The following CALN1 variants were observed in gnomAD, a reference collection of about 807,000 sequenced individuals.
The protein encoded by CALN1 is calneuron 1, also known as calcium-binding protein 8.
CALN1 carries 17 observed loss-of-function variants against 30.6 expected under a neutral mutation model. The observed-to-expected ratio is 0.56, with a 90% CI of 0.38 to 0.83. The LOEUF (loss-of-function observed/expected upper bound fraction) is 0.83. Among genes scored for constraint, CALN1 ranks in the 40% least tolerant of loss-of-function variants. CALN1 has a pLI of 0.00. For missense variants in CALN1, 291 were observed against 354.9 expected, an observed-to-expected ratio of 0.82 and a Z score of 1.45; for synonymous variants, 156 against 131.4, an observed-to-expected ratio of 1.19 and a Z score of -1.28.
chr7:71,923,923 T>A (rs1321030306), intron 5 of CALN1, among the ~76,000 whole-genome samples: 3 of 152,126 alleles, frequency 2.0e-5, no homozygotes, highest in Non-Finnish European at 4.4e-5. Context: ...CTGGGCATAG[T>A]GGCTCACACT....
intron 5 of CALN1, among the ~76,000 whole-genome samples, chr7:71,898,236 A>G (rs1246153573): frequency 6.6e-6 from 1 of 152,156 alleles, no homozygotes; most frequent in Admixed American, 6.5e-5. Flanking sequence ...AGCCTGAGAC[A>G]GTAGAATCGC....
intron 3 of CALN1, among the ~76,000 whole-genome samples, chr7:72,159,466 C>T (rs939346240): frequency 6.6e-6 from 1 of 152,066 alleles, no homozygotes; most frequent in African/African-American, 2.4e-5. Context: ...CGCCACTGTA[C>T]TCCAGCCTGG....
At chr7:71,884,873 TC>T (rs1337127466) in intron 5 of CALN1, among the ~76,000 whole-genome samples, 1 of 152,206 alleles carries the variant, frequency 6.6e-6, no homozygotes, top group African/African-American at 2.4e-5. Flanking sequence ...TAGATCTTTT[TC>T]TTCCAGACCT....
rs575973335 is a variant in CALN1, at chr7:72,318,934, G to A, written c.120-40124C>T. On this transcript the variant is annotated intron_variant, in intron 2 of 6. Transcript: ENST00000395275. Reference sequence around the variant, plus strand: ...GTTTATACACTATTAGTCTGTTAGTGTGAATACAAATGAGCACAACCTCTA... The same window carrying A: ...GTTTATACACTATTAGTCTGTTAGTATGAATACAAATGAGCACAACCTCTA... Among the ~76,000 whole-genome samples the A allele has an allele frequency of 2.0e-5, 3 of 151,884 alleles. No individual in the cohort carries two copies. In the South Asian group the frequency reaches 6.3e-4, roughly 32 times the overall value.
chr7:71,858,181 T>A (rs1206953764), intron 5 of CALN1, among the ~76,000 whole-genome samples: 2 of 152,118 alleles, frequency 1.3e-5, no homozygotes, highest in Non-Finnish European at 2.9e-5. Flanking sequence ...TCTCATTAGA[T>A]GGGATGGTTT....
At chr7:72,158,367 T>A (rs1382975881) in intron 3 of CALN1, among the ~76,000 whole-genome samples, 1 of 152,134 alleles carries the variant, frequency 6.6e-6, no homozygotes, top group African/African-American at 2.4e-5. Context: ...CTGGCCGTAG[T>A]CCAGGCAGGA....
intron 3 of CALN1, among the ~76,000 whole-genome samples, chr7:72,154,280 G>A (rs1241591174): frequency 1.3e-5 from 2 of 151,040 alleles, no homozygotes; most frequent in Non-Finnish European, 2.9e-5. Flanking sequence ...CTTGTCCAGC[G>A]TCATGCAAAA....
chr7:72,388,311 C>T lies in CALN1; in HGVS notation c.119+14940G>A, dbSNP rs1257105599. ...CCTTTCATCTTCCCAAGAGGTACTTCCTACCTCCTGTCCTGCCTGGACATG... is the reference window on the plus strand; with the variant it reads ...CCTTTCATCTTCCCAAGAGGTACTTTCTACCTCCTGTCCTGCCTGGACATG... On this transcript the variant is annotated intron_variant, in intron 2 of 6. Transcript: ENST00000395275. Among the ~76,000 whole-genome samples the T allele has an allele frequency of 3.9e-5, 6 of 152,060 alleles. No homozygotes were observed. The East Asian group carries it at 9.7e-4, about 25-fold the overall frequency.
chr7:72,148,133 A>G (rs60518650), intron 3 of CALN1, among the ~76,000 whole-genome samples: 3 of 144,206 alleles, frequency 2.1e-5, no homozygotes, highest in Non-Finnish European at 4.5e-5. Flanking sequence ...AACCAACCAA[A>G]CAAACAAACA....
upstream of CALN1, among the ~76,000 whole-genome samples, chr7:72,448,942 C>T (rs536369316): frequency 8.5e-5 from 13 of 152,128 alleles, no homozygotes; most frequent in South Asian, 4.2e-4. Flanking sequence ...CTCATAAGCA[C>T]GTGAAATAAA....
intron 1 of CALN1, among the ~76,000 whole-genome samples, chr7:72,422,385 G>A: frequency 6.6e-6 from 1 of 152,190 alleles, no homozygotes; most frequent in East Asian, 1.9e-4. Context: ...GATTAGTGAT[G>A]TTGAGATTTT....
intron 4 of CALN1, among the ~76,000 whole-genome samples, chr7:72,080,822 G>A (rs1313215314): frequency 6.6e-6 from 1 of 152,092 alleles, no homozygotes; most frequent in Non-Finnish European, 1.5e-5. Context: ...CTAGCCCAGG[G>A]GAAGCTGATG....
chr7:72,477,079 C>T, the CALN1 span, among the ~76,000 whole-genome samples: 488 of 152,184 alleles, frequency 3.2e-3, 2 homozygotes, highest in African/African-American at 0.01. Flanking sequence ...GGCGTGGTGG[C>T]GCGCACTTGT....
chr7:72,055,295 T>G (rs1803182361), intron 4 of CALN1, among the ~76,000 whole-genome samples: 1 of 152,142 alleles, frequency 6.6e-6, no homozygotes, highest in Non-Finnish European at 1.5e-5. Flanking sequence ...AGTCCATCAT[T>G]TTAACCAAGC....
At chr7:72,054,536 T>TACAC (rs1164512446) in intron 4 of CALN1, among the ~76,000 whole-genome samples, 1 of 123,886 alleles carries the variant, frequency 8.1e-6, no homozygotes, top group South Asian at 2.6e-4. Flanking sequence ...TACATACATA[T>TACAC]ATATATACAT....
At chr7:72,061,521 A>G (rs1004976264) in intron 4 of CALN1, among the ~76,000 whole-genome samples, 3 of 147,624 alleles carry the variant, frequency 2.0e-5, no homozygotes, top group Admixed American at 1.4e-4. Flanking sequence ...TTTCAGAACT[A>G]AAAAAAAAAA....
At chr7:72,146,305 A>G (rs1786716893) in intron 3 of CALN1, among the ~76,000 whole-genome samples, 1 of 152,208 alleles carries the variant, frequency 6.6e-6, no homozygotes, top group Non-Finnish European at 1.5e-5. Flanking sequence ...TGCAAAAATC[A>G]CAAGCATGCT....
At chr7:72,070,237 CATT>C (rs1411370833) in intron 4 of CALN1, among the ~76,000 whole-genome samples, 1 of 152,200 alleles carries the variant, frequency 6.6e-6, no homozygotes, top group Non-Finnish European at 1.5e-5. Flanking sequence ...AATGCAGAAT[CATT>C]ATGGCATTCC....
intron 5 of CALN1, among the ~76,000 whole-genome samples, chr7:71,963,817 A>G (rs1026447018): frequency 2.6e-5 from 4 of 152,224 alleles, no homozygotes; most frequent in Admixed American, 6.5e-5. Context: ...CAATGCAATG[A>G]GATTATCACC....
Sources: allele counts gnomAD v4.1 joint callset (sites outside exome capture counted in the v4.1 genomes callset), GRCh38; gene constraint gnomAD v4.1.1; transcripts MANE v1.5; gene names NCBI Gene and HGNC (gene_info 2026-07-23, HGNC 2026-07-21).